Variants in MARCO observed in about 807,000 individuals in gnomAD.
The protein encoded by MARCO is macrophage receptor with collagenous structure.
A neutral mutation model predicts 70.0 loss-of-function variants in MARCO; 72 were observed. The observed-to-expected ratio is 1.03, with a 90% CI of 0.85 to 1.25. The LOEUF (loss-of-function observed/expected upper bound fraction) is 1.25. MARCO is among the 50% of genes most tolerant of loss of function. The probability of loss-of-function intolerance (pLI) is 0.00; values close to 1 mark genes in which losing one functional copy is unlikely to be tolerated. For missense variants in MARCO, 696 were observed against 659.3 expected (o/e 1.06, Z -0.61); for synonymous variants, 273 against 243.1 (o/e 1.12, Z -1.14).
chr2:118,972,943 G>A (rs767317511), intron 4 of MARCO, among the ~76,000 whole-genome samples: 21 of 151,250 alleles, frequency 1.4e-4, no homozygotes, highest in African/African-American at 5.1e-4. Flanking sequence ...GGCTTCTATG[G>A]CTCTCTCTCT....
At chr2:118,986,652 A>AGAAAGAAAGAAAGAAGGAAG (rs1558671615) in intron 12 of MARCO, among the ~76,000 whole-genome samples, 9 of 48,426 alleles carry the variant, frequency 1.9e-4, no homozygotes, top group Admixed American at 1.0e-3. Flanking sequence ...AAAGAAAGAA[A>AGAAAGAAAGAAAGAAGGAAG]GAAGGAAGGA....
intron 1 of MARCO, among the ~76,000 whole-genome samples, chr2:118,965,086 T>A (rs967016587): frequency 6.6e-6 from 1 of 152,164 alleles, no homozygotes; most frequent in Non-Finnish European, 1.5e-5. Flanking sequence ...AATCTGTAGG[T>A]TTAGATCTTC....
At chr2:118,967,842 C>T (rs1680084656) in intron 1 of MARCO, among the ~76,000 whole-genome samples, 1 of 152,190 alleles carries the variant, frequency 6.6e-6, no homozygotes, top group African/African-American at 2.4e-5. Flanking sequence ...TGGTTGGGCA[C>T]ACATTCCCTT....
intron 12 of MARCO, 37 bp downstream of exon 12, chr2:118,982,447 CTGGGTGGCAGGA>C (rs752305129): frequency 1.9e-6 from 3 of 1,591,180 alleles, no homozygotes. Flanking sequence ...GGTGGGCTTG[CTGGGTGGCAGGA>C]TGGATGGAGA....
At position 118,992,429 on chromosome 2, in the gene MARCO, C is replaced by T; in HGVS notation, c.1208-3C>T. On this transcript the variant is annotated splice_polypyrimidine_tract_variant and splice_region_variant and intron_variant, in intron 14 of 16. Transcript: ENST00000327097. ...AACCGTGTGGGTTTTCTCCTCATGA[C>T]AGGATCTTCTGGGGAGCAAGGAGTA... The T allele has an allele frequency of 6.2e-7, 1 of 1,613,680 alleles. No homozygotes were observed. Among genetic ancestry groups the T allele is most frequent in the Non-Finnish European group, 8.5e-7 (1 of 1,179,616 alleles).
At position 118,974,559 on chromosome 2, in the gene MARCO, G is replaced by A. The variant is rs183062542; in HGVS notation, c.607G>A (p.Glu203Lys). ...CCAAGGCCCACCGGGAGTCAAGGGAGAGGCGGGTGAGTAGGTGCTGGGTAT... is the reference window on the plus strand; with the variant it reads ...CCAAGGCCCACCGGGAGTCAAGGGAAAGGCGGGTGAGTAGGTGCTGGGTAT... ...GPQGPPGVKG[E>K]AGLQGPQGAP... is the part of the protein sequence containing the mutation. Residue 203 changes from glutamate to lysine, a missense_variant, in exon 6 of 17, where the codon GAG (glutamate) becomes AAG (lysine). By Grantham distance (56) the Glu-to-Lys change is moderately conservative. Coordinates refer to ENST00000327097, the MANE Select transcript of MARCO (RefSeq NM_006770.4). 58 of 1,613,188 alleles carry A rather than the reference G, an allele frequency of 3.6e-5. No homozygotes were observed. The Admixed American group carries it at 8.7e-4, about 24-fold the overall frequency.
At chr2:118,989,920 C>T (rs60807902) in intron 12 of MARCO, among the ~76,000 whole-genome samples, 1 of 152,034 alleles carries the variant, frequency 6.6e-6, no homozygotes, top group African/African-American at 2.4e-5. Flanking sequence ...TCTCAGTGAC[C>T]CAGCAGGATG....
intron 1 of MARCO, among the ~76,000 whole-genome samples, chr2:118,958,676 C>G (rs1474239242): frequency 6.6e-6 from 1 of 151,886 alleles, no homozygotes; most frequent in Non-Finnish European, 1.5e-5. Flanking sequence ...CATATGGAAC[C>G]AAAAAAGAGA....
intron 1 of MARCO, among the ~76,000 whole-genome samples, chr2:118,957,083 A>G (rs992940780): frequency 6.6e-6 from 1 of 152,110 alleles, no homozygotes; most frequent in East Asian, 1.9e-4. Flanking sequence ...TCAAGGAACT[A>G]GAGAAACAAG....
chr2:118,980,418 A>G lies in MARCO; in HGVS notation c.767-991A>G, dbSNP rs866179688. Among the ~76,000 whole-genome samples, 19 of 152,146 alleles carry G rather than the reference A, an allele frequency of 1.2e-4. 1 individual carries two copies. The highest frequency in any genetic ancestry group is 7.9e-4 in the Admixed American group (12 of 15,282). On this transcript the variant is annotated intron_variant, in intron 8 of 16. Coordinates refer to ENST00000327097, the MANE Select transcript of MARCO (RefSeq NM_006770.4). ...ATACCTCGTGAATTCACAGCACTCA[A>G]TGCTAAGACCCAGGGCTCTCCCTTC...
At chr2:118,992,507 T>A in intron 15 of MARCO, 31 bp downstream of exon 15, 3 of 1,541,972 alleles carry the variant, frequency 1.9e-6, no homozygotes, top group Non-Finnish European at 2.7e-6. Flanking sequence ...CTTTAATGTG[T>A]GCTTTAAAGT....
chr2:118,988,063 TTC>T (rs1680549245), intron 12 of MARCO, among the ~76,000 whole-genome samples: 1 of 152,216 alleles, frequency 6.6e-6, no homozygotes. Flanking sequence ...AGTGTGTACT[TTC>T]TCCTCTGTAA....
chr2:118,974,097 T>C (rs1457166628), intron 4 of MARCO, among the ~76,000 whole-genome samples: 1 of 152,150 alleles, frequency 6.6e-6, no homozygotes, highest in Non-Finnish European at 1.5e-5. Context: ...GTCACCCAGC[T>C]AAAGGGGCAG....
rs771087832 is a variant in MARCO, at chr2:118,970,096, C to G, written c.200-18C>G. 1.2e-6 allele frequency: 2 copies of G among 1,605,624 alleles called. No homozygotes were observed. Among genetic ancestry groups the G allele is most frequent in the South Asian group, 2.2e-5 (2 of 90,886 alleles). ...AAATGCCTCAGTCCCTAAAAGAATGCTGTGGGGTGGGGCCCAGTTCTGAAT... is the reference window on the plus strand; with the variant it reads ...AAATGCCTCAGTCCCTAAAAGAATGGTGTGGGGTGGGGCCCAGTTCTGAAT... On this transcript the variant is annotated intron_variant, in intron 2 of 16. Coordinates refer to ENST00000327097, the MANE Select transcript of MARCO (RefSeq NM_006770.4).
intron 1 of MARCO, among the ~76,000 whole-genome samples, chr2:118,945,491 C>T (rs10176887): frequency 0.47 from 71,052 of 149,974 alleles, 17,401 homozygotes; most frequent in African/African-American, 0.54. Context: ...CGGCTCAGTG[C>T]AACCTCCATC....
intron 13 of MARCO, among the ~76,000 whole-genome samples, chr2:118,991,420 C>T (rs1680619674): frequency 6.6e-6 from 1 of 152,104 alleles, no homozygotes; most frequent in Non-Finnish European, 1.5e-5. Context: ...AGCCACTGTA[C>T]TCGGCCTCTG....
chr2:118,974,517 C>A lies in MARCO; in HGVS notation c.569-4C>A. On this transcript the variant is annotated splice_region_variant and splice_polypyrimidine_tract_variant and intron_variant, in intron 5 of 16. Coordinates refer to ENST00000327097, the MANE Select transcript of MARCO (RefSeq NM_006770.4). ...CTTCACTCTGAATTCCCTTTCCCTT[C>A]CAGGCCCCTCGGGACCCCAAGGCCC... 1.2e-6 allele frequency: 2 copies of A among 1,613,940 alleles called. No individual in the cohort carries two copies. The highest frequency in any genetic ancestry group is 1.7e-6 in the Non-Finnish European group (2 of 1,179,976).
chr2:118,966,541 T>C (rs773840490), intron 1 of MARCO, among the ~76,000 whole-genome samples: 3 of 152,202 alleles, frequency 2.0e-5, no homozygotes, highest in Admixed American at 6.5e-5. Context: ...TTTGCCTCTA[T>C]GCCAGGTGGT....
chr2:118,968,019 C>T (rs1680088845), intron 1 of MARCO, among the ~76,000 whole-genome samples: 1 of 152,188 alleles, frequency 6.6e-6, no homozygotes, highest in Non-Finnish European at 1.5e-5. Context: ...GCCACCTTAA[C>T]TTTTTAACCC....
Sources: gnomAD v4.1 joint callset for allele counts (sites outside exome capture counted in the v4.1 genomes callset) on GRCh38, gnomAD v4.1.1 for gene constraint, MANE v1.5 for transcripts, NCBI Gene and HGNC (gene_info 2026-07-23, HGNC 2026-07-21) for gene names.